Variants in RPS6KA2 observed in about 807,000 individuals in gnomAD.
RPS6KA2 encodes the protein ribosomal protein S6 kinase alpha-2.
RPS6KA2 carries 42 observed loss-of-function variants against 91.8 expected under a neutral mutation model. That is an observed-to-expected ratio of 0.46 (90% CI 0.36 to 0.59). The LOEUF is 0.59. Among genes scored for constraint, RPS6KA2 ranks in the 20% least tolerant of loss-of-function variants. RPS6KA2 has a pLI of 0.00. For synonymous variants in RPS6KA2, 414 were observed against 393.6 expected (o/e 1.05, Z -0.61); for missense variants, 798 against 978.5 (o/e 0.82, Z 2.46).
At chr6:166,550,084 C>T (rs900186689) in intron 1 of RPS6KA2, among the ~76,000 whole-genome samples, 4 of 151,950 alleles carry the variant, frequency 2.6e-5, no homozygotes, top group African/African-American at 9.7e-5. Context: ...GACATTTTTA[C>T]AAGGTAGGAA....
At chr6:166,485,712 C>T (rs184447601) in intron 10 of RPS6KA2, among the ~76,000 whole-genome samples, 92 of 150,884 alleles carry the variant, frequency 6.1e-4, no homozygotes, top group African/African-American at 2.1e-3. Context: ...CCCAGACGCA[C>T]GGTGATGAAC....
At chr6:166,507,126 C>T (rs373051871) in intron 5 of RPS6KA2, among the ~76,000 whole-genome samples, 5 of 152,138 alleles carry the variant, frequency 3.3e-5, no homozygotes, top group African/African-American at 4.8e-5. Flanking sequence ...AATGTTCAGC[C>T]GGCTTAGCAG....
chr6:166,501,508 G>T (rs1048569738), intron 6 of RPS6KA2, among the ~76,000 whole-genome samples: 1 of 152,226 alleles, frequency 6.6e-6, no homozygotes, highest in Non-Finnish European at 1.5e-5. Flanking sequence ...TGGCACCCCT[G>T]CGGGCCACTG....
intron 1 of RPS6KA2, among the ~76,000 whole-genome samples, chr6:166,621,971 C>T (rs1219610952): frequency 6.6e-6 from 1 of 152,162 alleles, no homozygotes; most frequent in Non-Finnish European, 1.5e-5. Context: ...ACTATTTGCC[C>T]CACATGTGAG....
intron 1 of RPS6KA2, among the ~76,000 whole-genome samples, chr6:166,576,658 G>C (rs1226824534): frequency 6.6e-6 from 1 of 152,174 alleles, no homozygotes; most frequent in African/African-American, 2.4e-5. Flanking sequence ...TTCAAGAGGT[G>C]ACTTGGGTGC....
At position 166,738,980 on chromosome 6, in the gene RPS6KA2, T is replaced by C. The variant is rs142944090; in HGVS notation, c.123+119220A>G. 4.2e-3 allele frequency among the ~76,000 whole-genome samples: 636 copies of C among 152,304 alleles called. 4 individuals carry two copies. The highest frequency in any genetic ancestry group is 0.015 in the African/African-American group (613 of 41,554). On this transcript the variant is annotated intron_variant, in intron 2 of 21. Transcript: ENST00000503859. ...AGATGAGTGCTCCTGAAAACACCTA[T>C]AGGTTTCCAAATGTGAACAACTGAA... is the stretch of plus-strand genomic sequence containing the variant.
chr6:166,769,836 T>G (rs904545466), intron 2 of RPS6KA2, among the ~76,000 whole-genome samples: 7 of 152,188 alleles, frequency 4.6e-5, no homozygotes, highest in Non-Finnish European at 1.0e-4. Flanking sequence ...GGCCGCATCC[T>G]TGTGCAGTGC....
At chr6:166,488,980 G>A in intron 9 of RPS6KA2, 59 bp from the exon 10 acceptor site, 1 of 1,411,128 alleles carries the variant, frequency 7.1e-7, no homozygotes. Flanking sequence ...AAGCTATAAA[G>A]AGGGCCCCAG....
At chr6:166,488,098 A>AC (rs1781469641) in intron 10 of RPS6KA2, among the ~76,000 whole-genome samples, 1 of 151,964 alleles carries the variant, frequency 6.6e-6, no homozygotes, top group South Asian at 2.1e-4. Context: ...TTAAAAAAAA[A>AC]CAGAATTTAA....
At chr6:166,812,410 C>T (rs1779661233) in intron 2 of RPS6KA2, among the ~76,000 whole-genome samples, 1 of 152,170 alleles carries the variant, frequency 6.6e-6, no homozygotes, top group African/African-American at 2.4e-5. Flanking sequence ...CCCTCCCAGC[C>T]CTGCCCTCCT....
At chr6:166,610,132 G>A (rs1047533816) in intron 1 of RPS6KA2, among the ~76,000 whole-genome samples, 1 of 152,140 alleles carries the variant, frequency 6.6e-6, no homozygotes, top group Non-Finnish European at 1.5e-5. Flanking sequence ...GGTAAACAGC[G>A]TGAGGGAAAG....
At chr6:166,723,700 T>C (rs1405370228) in intron 2 of RPS6KA2, among the ~76,000 whole-genome samples, 1 of 130,968 alleles carries the variant, frequency 7.6e-6, no homozygotes, top group African/African-American at 4.5e-5. Flanking sequence ...TTTTCTTTTC[T>C]TTTCTTTTTT....
chr6:166,792,179 C>A (rs1288724291), intron 2 of RPS6KA2, among the ~76,000 whole-genome samples: 4 of 152,186 alleles, frequency 2.6e-5, no homozygotes, highest in Non-Finnish European at 5.9e-5. Flanking sequence ...GATATCATCA[C>A]CAATCCCACA....
intron 12 of RPS6KA2, among the ~76,000 whole-genome samples, chr6:166,456,550 A>G (rs117972478): frequency 0.031 from 4,733 of 152,250 alleles, 100 homozygotes; most frequent in Non-Finnish European, 0.047. Context: ...TGATCAGGGA[A>G]TAGAAACCAG....
chr6:166,638,985 G>A (rs998197934), intron 2 of RPS6KA2, among the ~76,000 whole-genome samples: 1 of 152,184 alleles, frequency 6.6e-6, no homozygotes, highest in African/African-American at 2.4e-5. Context: ...GAAGAGGGAG[G>A]AAGAAGAGGG....
At chr6:166,574,335 C>G (rs1470124147) in intron 1 of RPS6KA2, among the ~76,000 whole-genome samples, 4 of 152,106 alleles carry the variant, frequency 2.6e-5, no homozygotes, top group African/African-American at 9.7e-5. Flanking sequence ...CCCAGCAGCC[C>G]CCAGCGTCTG....
intron 2 of RPS6KA2, among the ~76,000 whole-genome samples, chr6:166,813,633 G>A (rs1189215395): frequency 1.3e-5 from 2 of 152,066 alleles, no homozygotes; most frequent in Admixed American, 6.5e-5. Context: ...CCAGCATCTG[G>A]TGTTGCTGGG....
intron 1 of RPS6KA2, among the ~76,000 whole-genome samples, chr6:166,575,213 T>A (rs1196108552): frequency 6.6e-6 from 1 of 152,242 alleles, no homozygotes; most frequent in Non-Finnish European, 1.5e-5. Flanking sequence ...CATAAAAACT[T>A]TGAATAACTA....
chr6:166,484,050 G>T (rs531570397), intron 10 of RPS6KA2, among the ~76,000 whole-genome samples: 2 of 152,188 alleles, frequency 1.3e-5, no homozygotes, highest in African/African-American at 4.8e-5. Context: ...CAGGCACTGC[G>T]GGGGCCAAGG....
Sources: gnomAD v4.1 joint callset for allele counts (sites outside exome capture counted in the v4.1 genomes callset) on GRCh38, gnomAD v4.1.1 for gene constraint, MANE v1.5 for transcripts, NCBI Gene and HGNC (gene_info 2026-07-23, HGNC 2026-07-21) for gene names.